LRIG1: variants seen among roughly 807,000 people sequenced by gnomAD.
LRIG1 encodes the protein leucine-rich repeats and immunoglobulin-like domains protein 1.
Under a neutral mutation model 99.2 loss-of-function variants are expected in LRIG1, and 48 were observed. The ratio of observed to expected loss-of-function variants is 0.48; its 90% CI spans 0.38 to 0.62. LRIG1 has a LOEUF of 0.62. Among genes scored for constraint, LRIG1 ranks in the 20% least tolerant of loss-of-function variants. LRIG1 has a pLI of 0.00. For missense variants in LRIG1, 1,646 were observed against 1,434.4 expected (o/e 1.15, Z -2.38); for synonymous variants, 772 against 596.1 (o/e 1.29, Z -4.30).
intron 1 of LRIG1, among the ~76,000 whole-genome samples, chr3:66,498,586 C>G (rs1038271244): frequency 4.0e-5 from 6 of 151,536 alleles, no homozygotes; most frequent in African/African-American, 1.5e-4. Context: ...AAAAAACTAC[C>G]GTATGTAAGG....
intron 1 of LRIG1, among the ~76,000 whole-genome samples, chr3:66,481,354 C>T (rs1700846642): frequency 6.6e-6 from 1 of 152,142 alleles, no homozygotes; most frequent in Admixed American, 6.5e-5. Flanking sequence ...GGCAAGTGCC[C>T]CTTGGCCTGG....
intron 11 of LRIG1, among the ~76,000 whole-genome samples, chr3:66,395,844 G>C (rs1575657108): frequency 6.6e-6 from 1 of 152,238 alleles, no homozygotes; most frequent in South Asian, 2.1e-4. Flanking sequence ...ACTCTCCGCT[G>C]TCAGAAGCAC....
chr3:66,449,210 C>T (rs1703820868), intron 3 of LRIG1, among the ~76,000 whole-genome samples: 1 of 152,176 alleles, frequency 6.6e-6, no homozygotes, highest in Non-Finnish European at 1.5e-5. Flanking sequence ...AATCCAGCTG[C>T]CCAGATGTCA....
rs972700507 is a variant in LRIG1, at chr3:66,384,214, G to T, written c.1848C>A (p.Ala616=). The change falls in exon 14 of 19, where the codon GCC becomes GCA. Residue 616 remains alanine, a synonymous_variant. Transcript: ENST00000273261. ...GACCTGTGGCAGCACATTCGAGGCG[G>T]GCCATGGTGGTGGTCCGGATGGTTA... The part of the protein sequence containing the change: ...HDITIRTTTM[A]RLECAATGHP... 3 of 1,614,100 alleles carry T rather than the reference G, an allele frequency of 1.9e-6. No individual in the cohort carries two copies. The highest frequency in any genetic ancestry group is 1.1e-5 in the South Asian group (1 of 91,076).
chr3:66,428,142 T>C (rs1464032997), intron 3 of LRIG1, among the ~76,000 whole-genome samples: 1 of 152,224 alleles, frequency 6.6e-6, no homozygotes, highest in African/African-American at 2.4e-5. Context: ...TGCATGCATT[T>C]TTGGCAGGCG....
At chr3:66,412,253 C>T (rs1453147324) in intron 6 of LRIG1, among the ~76,000 whole-genome samples, 1 of 152,140 alleles carries the variant, frequency 6.6e-6, no homozygotes, top group Non-Finnish European at 1.5e-5. Context: ...TTTGGCCCAC[C>T]TGCACCTCAG....
intron 3 of LRIG1, among the ~76,000 whole-genome samples, chr3:66,427,159 C>T (rs1243594556): frequency 6.6e-6 from 1 of 152,246 alleles, no homozygotes; most frequent in Non-Finnish European, 1.5e-5. Context: ...CACCCTGCAG[C>T]ACTCTGCCCA....
At chr3:66,412,839 T>C (rs749240398) in intron 6 of LRIG1, 32 bp downstream of exon 6, 22 of 1,612,456 alleles carry the variant, frequency 1.4e-5, no homozygotes, top group South Asian at 2.2e-5. Flanking sequence ...ACAGCAATCC[T>C]TAGCAATGCC....
At chr3:66,464,497 T>G (rs1017041414) in intron 1 of LRIG1, among the ~76,000 whole-genome samples, 3 of 86,942 alleles carry the variant, frequency 3.5e-5, no homozygotes, top group East Asian at 6.6e-4. Flanking sequence ...CAGGGTTGCT[T>G]TATTACTTAA....
chr3:66,396,089 G>T (rs1378524179), intron 11 of LRIG1, among the ~76,000 whole-genome samples: 1 of 152,244 alleles, frequency 6.6e-6, no homozygotes, highest in Non-Finnish European at 1.5e-5. Context: ...ACACGCCCTG[G>T]ACGTGTGGGG....
intron 12 of LRIG1, among the ~76,000 whole-genome samples, chr3:66,390,027 G>A (rs1701554133): frequency 6.6e-6 from 1 of 152,050 alleles, no homozygotes; most frequent in Admixed American, 6.5e-5. Context: ...GAAGTCAGAT[G>A]GAGCCAAATT....
At chr3:66,451,990 G>C (rs936930896) in intron 2 of LRIG1, among the ~76,000 whole-genome samples, 7 of 152,164 alleles carry the variant, frequency 4.6e-5, no homozygotes, top group Non-Finnish European at 7.4e-5. Context: ...AACACTCCCC[G>C]TGGGCCGAAA....
chr3:66,421,371 T>G (rs970237095), intron 3 of LRIG1, among the ~76,000 whole-genome samples: 4 of 152,218 alleles, frequency 2.6e-5, no homozygotes, highest in Admixed American at 6.5e-5. Context: ...AGCTAGTTAC[T>G]TCATAGATAC....
rs1380676177 is a variant in LRIG1, at chr3:66,379,776, A to AG, written c.*486dup. 2 of 157,014 alleles carry AG rather than the reference A, an allele frequency of 1.3e-5. No homozygotes were observed. Among genetic ancestry groups the AG allele is most frequent in the South Asian group, 1.9e-4 (1 of 5,192 alleles). 9.7% of individuals were successfully genotyped at this position (157,014 alleles called of 1,614,324 possible). On this transcript the variant is annotated 3_prime_UTR_variant, in exon 19 of 19. Transcript: ENST00000273261. ...GTGGAGTCCCACCGCACAGCAGCCT[A>AG]GGGGTCTATGAAGTGCAATATAAAT...
intron 1 of LRIG1, among the ~76,000 whole-genome samples, chr3:66,474,673 A>G (rs1700678572): frequency 6.6e-6 from 1 of 152,094 alleles, no homozygotes; most frequent in Non-Finnish European, 1.5e-5. Flanking sequence ...GGCTGGGTGC[A>G]TCACCCCACC....
rs373678619 is a variant in LRIG1 at position 66,405,215 on chromosome 3, G to C, written c.1143C>G (p.Leu381=). ...ATACTCACAGCTTGCTGAGGCTGTC[G>C]AGCCCTGAGAAGGCGCCGCTCGTGT... ...IEDTSGAFSG[L]DSLSKLTLFG... The change falls in exon 9 of 19, where the codon CTC becomes CTG. Residue 381 remains leucine, a synonymous_variant. Transcript: ENST00000273261. The C allele has an allele frequency of 5.6e-6, 9 of 1,614,018 alleles. No homozygotes were observed. In the African/African-American group the frequency reaches 1.2e-4, roughly 22 times the overall value.
chr3:66,421,384 T>C (rs1045859456), intron 3 of LRIG1, among the ~76,000 whole-genome samples: 8 of 152,100 alleles, frequency 5.3e-5, no homozygotes, highest in African/African-American at 1.2e-4. Flanking sequence ...ATAGATACAA[T>C]AGGGGTATCA....
At chr3:66,471,023 C>T (rs996877152) in intron 1 of LRIG1, among the ~76,000 whole-genome samples, 3 of 152,178 alleles carry the variant, frequency 2.0e-5, no homozygotes, top group African/African-American at 4.8e-5. Flanking sequence ...AGAAGAGGCG[C>T]TCCAACACAC....
At chr3:66,383,896 A>C in intron 14 of LRIG1, 95 bp downstream of exon 14, 1 of 1,502,200 alleles carries the variant, frequency 6.7e-7, no homozygotes, top group East Asian at 2.4e-5. Flanking sequence ...AAAGGCCCAC[A>C]ACGCATACCA....
Sources: allele counts gnomAD v4.1 joint callset (sites outside exome capture counted in the v4.1 genomes callset), GRCh38; gene constraint gnomAD v4.1.1; transcripts MANE v1.5; gene names NCBI Gene and HGNC (gene_info 2026-07-23, HGNC 2026-07-21).